The following PTPRB variants were observed in gnomAD, a reference collection of about 807,000 sequenced individuals.
PTPRB encodes the protein protein tyrosine phosphatase receptor type B.
Under a neutral mutation model 238.1 loss-of-function variants are expected in PTPRB, and 97 were observed. The ratio of observed to expected loss-of-function variants is 0.41; its 90% CI spans 0.35 to 0.48. PTPRB has a LOEUF of 0.48. PTPRB is among the 20% of genes least tolerant of loss of function. PTPRB has a pLI of 0.30. For synonymous variants in PTPRB, 970 were observed against 995.4 expected (o/e 0.97, Z 0.48); for missense variants, 2,292 against 2,681.9 (o/e 0.85, Z 3.21).
intron 4 of PTPRB, among the ~76,000 whole-genome samples, chr12:70,604,671 C>G (rs1883794313): frequency 6.6e-6 from 1 of 152,100 alleles, no homozygotes; most frequent in South Asian, 2.1e-4. Context: ...AACCCTAAAC[C>G]CCAGTACCTC....
chr12:70,612,232 A>G (rs574515552), intron 3 of PTPRB, among the ~76,000 whole-genome samples: 15 of 152,356 alleles, frequency 9.8e-5, no homozygotes, highest in African/African-American at 3.4e-4. Flanking sequence ...ACATGAGCAT[A>G]CTATGAAACA....
rs1031352574 is a variant in PTPRB at position 70,590,194 on chromosome 12, C to T, written c.1820G>A (p.Gly607Asp). The change falls in exon 8 of 34, where the codon GGC (glycine) becomes GAC (aspartate). Residue 607 changes from glycine to aspartate, a missense_variant. Around this residue, in one of 4 missense-constraint regions of PTPRB, gnomAD observed 1,205 missense variants for 1,287.8 expected, o/e 0.94. Coordinates refer to ENST00000334414, the MANE Select transcript of PTPRB (RefSeq NM_001109754.4). ...GCTCACTACAAGAGACCTCATCCTG[C>T]CATTATTGTTTGCCTCCAGGTTTGC... ...KVANLEANNNGRMRSLVVSWS... is the reference protein window; with the variant it reads ...KVANLEANNNDRMRSLVVSWS... 2 of 1,586,378 alleles carry T rather than the reference C, an allele frequency of 1.3e-6. No individual in the cohort carries two copies. The highest frequency in any genetic ancestry group is 1.8e-5 in the Admixed American group (1 of 56,928).
At chr12:70,579,712 A>AG (rs1881175896) in intron 10 of PTPRB, among the ~76,000 whole-genome samples, 1 of 151,796 alleles carries the variant, frequency 6.6e-6, no homozygotes, top group Non-Finnish European at 1.5e-5. Flanking sequence ...AAAAAAAAAA[A>AG]AAAGAAACAT....
rs1018247078 is a variant in PTPRB at position 70,517,161 on chromosome 12, C to T, written c.*4328G>A. On this transcript the variant is annotated 3_prime_UTR_variant, in exon 34 of 34. Transcript: ENST00000334414. The stretch of plus-strand genomic sequence containing the variant: ...TGTGTCTAAAATGCCAAACCCAGTA[C>T]ATTTAGTTAAATATCTGGTCAATTC... 6.6e-6 allele frequency: 1 copy of T among 152,180 alleles called. No homozygotes were observed. The highest frequency in any genetic ancestry group is 1.5e-5 in the Non-Finnish European group (1 of 68,034). The allele number at this position is 152,180 out of a possible 1,614,324, so 9.4% of individuals were successfully genotyped here.
intron 23 of PTPRB, 66 bp from the exon 24 acceptor site, chr12:70,540,088 T>C: frequency 1.5e-6 from 2 of 1,362,298 alleles, no homozygotes; most frequent in Non-Finnish European, 2.1e-6. Flanking sequence ...TTTTTCCATT[T>C]ATGGTAAGGC....
rs762030621 is a variant in PTPRB, at chr12:70,539,789, G to T, written c.5696+38C>A. 8 of 1,598,776 alleles carry T rather than the reference G, an allele frequency of 5.0e-6. No homozygotes were observed. The East Asian group carries it at 1.6e-4, about 31-fold the overall frequency. Reference sequence around the variant, plus strand: ...TAACTATTCTGACTCATATTTCAAAGGCAGATAATATAGTAATTAATGTGT... The same window carrying T: ...TAACTATTCTGACTCATATTTCAAATGCAGATAATATAGTAATTAATGTGT... On this transcript the variant is annotated intron_variant, in intron 25 of 33. Transcript: ENST00000334414.
intron 6 of PTPRB, among the ~76,000 whole-genome samples, chr12:70,593,194 G>T (rs913762558): frequency 2.0e-5 from 3 of 152,078 alleles, no homozygotes; most frequent in Admixed American, 1.3e-4. Flanking sequence ...ACTCTTTCTA[G>T]AATATAAATT....
At chr12:70,616,234 G>C (rs1204105200) in intron 3 of PTPRB, among the ~76,000 whole-genome samples, 1 of 152,060 alleles carries the variant, frequency 6.6e-6, no homozygotes, top group Non-Finnish European at 1.5e-5. Flanking sequence ...GTGAGCCACT[G>C]CACCCAGCCT....
At chr12:70,634,396 G>C (rs1024019295) in intron 2 of PTPRB, among the ~76,000 whole-genome samples, 2 of 152,184 alleles carry the variant, frequency 1.3e-5, no homozygotes, top group African/African-American at 4.8e-5. Flanking sequence ...GAATCTTGGA[G>C]GTGGTTGTAG....
chr12:70,574,666 A>G (rs1345261979), intron 11 of PTPRB, among the ~76,000 whole-genome samples: 1 of 152,212 alleles, frequency 6.6e-6, no homozygotes, highest in Non-Finnish European at 1.5e-5. Context: ...CAAAATGTAG[A>G]ACAAGAGCAT....
At position 70,521,311 on chromosome 12, in the gene PTPRB, CTA is replaced by C. The variant is rs1297609490; in HGVS notation, c.*176_*177del. 1 of 449,034 alleles carries C rather than the reference CTA, an allele frequency of 2.2e-6. No individual in the cohort carries two copies. Among genetic ancestry groups the C allele is most frequent in the Non-Finnish European group, 3.9e-6 (1 of 255,368 alleles). The allele number at this position is 449,034 out of a possible 1,614,324, so 27.8% of individuals were successfully genotyped here. A position where few individuals can be genotyped will look rare whatever the true frequency, so the allele number is the denominator to read the frequency against. ...TTACAGAAGAAACTACAAAATACAA[CTA>C]TGTACAATAATATCTGTTACCTTTA... On this transcript the variant is annotated 3_prime_UTR_variant, in exon 34 of 34. Transcript: ENST00000334414.
chr12:70,595,457 A>G (rs969943348), intron 5 of PTPRB, among the ~76,000 whole-genome samples: 1 of 152,146 alleles, frequency 6.6e-6, no homozygotes, highest in Non-Finnish European at 1.5e-5. Flanking sequence ...AATATCCCAG[A>G]ACTTAAAGTA....
intron 2 of PTPRB, among the ~76,000 whole-genome samples, chr12:70,626,329 ATC>A (rs1387340378): frequency 1.4e-5 from 2 of 142,110 alleles, no homozygotes; most frequent in African/African-American, 5.8e-5. Flanking sequence ...CTATCTATCT[ATC>A]TATCTATCTA....
At chr12:70,608,661 G>A (rs1175465154) in intron 4 of PTPRB, 5 of 167,498 alleles carry the variant, frequency 3.0e-5, no homozygotes, top group Non-Finnish European at 5.1e-5. Context: ...ATAAAACTAA[G>A]TTGAGGAAAG....
chr12:70,539,086 A>G, intron 26 of PTPRB, 72 bp from the exon 27 acceptor site: 1 of 1,128,736 alleles, frequency 8.9e-7, no homozygotes, highest in Non-Finnish European at 1.3e-6. Context: ...AGTCCTGGAG[A>G]TAACATAATA....
At chr12:70,544,937 A>T (rs2717416) in intron 21 of PTPRB, among the ~76,000 whole-genome samples, 19 of 152,292 alleles carry the variant, frequency 1.2e-4, no homozygotes, top group South Asian at 8.3e-4. Context: ...TTACATTCTC[A>T]TGGAGGAAGT....
chr12:70,592,497 G>A lies in PTPRB; in HGVS notation c.1565C>T (p.Thr522Ile), dbSNP rs755358741. The change falls in exon 7 of 34, where the codon ACC becomes ATC. Residue 522 changes from threonine to isoleucine, a missense_variant. Transcript: ENST00000334414. Reference sequence around the variant, plus strand: ...TCTTTGCCATTTGACTTTTAGAGAGGTCAAACTGCCATCATTTGTCACCTT... The same window carrying A: ...TCTTTGCCATTTGACTTTTAGAGAGATCAAACTGCCATCATTTGTCACCTT... ...NLKVTNDGSL[T>I]SLKVKWQRPP... 5.6e-6 allele frequency: 9 copies of A among 1,613,668 alleles called. No individual in the cohort carries two copies. The highest frequency in any genetic ancestry group is 5.3e-5 in the African/African-American group (4 of 74,896).
rs778235462 is a variant in PTPRB, at chr12:70,571,808, C to T, written c.3106+16G>A. The T allele has an allele frequency of 6.3e-7, 1 of 1,598,074 alleles. No homozygotes were observed. ...AAGTCCAACCAACTGTCAGATTTTG[C>T]AATCGTTCCACTTACTTGTTCTCCC... On this transcript the variant is annotated intron_variant, in intron 12 of 33. Transcript: ENST00000334414.
intron 4 of PTPRB, among the ~76,000 whole-genome samples, chr12:70,607,845 C>A (rs1358502258): frequency 6.6e-6 from 1 of 151,974 alleles, no homozygotes; most frequent in Non-Finnish European, 1.5e-5. Context: ...GCCACTGCGC[C>A]CAGTCAGAGA....
Sources: allele counts gnomAD v4.1 joint callset (sites outside exome capture counted in the v4.1 genomes callset), GRCh38; gene constraint gnomAD v4.1.1; regional missense constraint gnomAD v4.1.1; transcripts MANE v1.5; gene names NCBI Gene and HGNC (gene_info 2026-07-23, HGNC 2026-07-21).